The following DSCC1 variants were observed in gnomAD, a reference collection of about 807,000 sequenced individuals.
The protein encoded by DSCC1 is DNA replication and sister chromatid cohesion 1.
In DSCC1, 32 loss-of-function variants were observed where a neutral mutation model predicts 48.2. That is an observed-to-expected ratio of 0.66 (90% CI 0.50 to 0.89). The LOEUF is 0.89. DSCC1 is among the 40% of genes least tolerant of loss of function. The pLI, the probability that DSCC1 is intolerant of heterozygous loss-of-function variation, is 0.00. For synonymous variants in DSCC1, 150 were observed against 171.5 expected (o/e 0.87, Z 0.98); for missense variants, 421 against 471.7 (o/e 0.89, Z 1.00).
chr8:119,852,884 C>T (rs1760130610), intron 2 of DSCC1, 163 bp downstream of exon 2: 3 of 561,820 alleles, frequency 5.3e-6, no homozygotes, highest in South Asian at 6.7e-5. Context: ...AACAAACAAG[C>T]AATAATAATA....
rs533919488 is a variant in DSCC1, at chr8:119,852,597, G to A, written c.351+450C>T. 1.1e-3 allele frequency among the ~76,000 whole-genome samples: 171 copies of A among 152,130 alleles called. 1 individual carries two copies. The South Asian group carries it at 0.031, about 27-fold the overall frequency. On this transcript the variant is annotated intron_variant, in intron 2 of 8. Transcript: ENST00000313655. ...CTCAAACTCCTGAGGTCCGACAATC[G>A]GCACACCTTGGCCTCCCAAAGTGCT...
At position 119,855,604 on chromosome 8, in the gene DSCC1, C is replaced by A. The variant is rs905689368; in HGVS notation, c.182+10G>T. Reference sequence around the variant, plus strand: ...CCAGAGGCTGGGGGCGCCGCGTGACCAGGGCTCACCTGTGTCCATCCTCCA... The same window carrying A: ...CCAGAGGCTGGGGGCGCCGCGTGACAAGGGCTCACCTGTGTCCATCCTCCA... On this transcript the variant is annotated intron_variant, in intron 1 of 8. Coordinates refer to ENST00000313655, the MANE Select transcript of DSCC1 (RefSeq NM_024094.3). 29 of 1,536,970 alleles carry A rather than the reference C, an allele frequency of 1.9e-5. No homozygotes were observed. Among genetic ancestry groups the A allele is most frequent in the Non-Finnish European group, 2.5e-5 (29 of 1,143,448 alleles).
chr8:119,841,785 T>G lies in DSCC1; in HGVS notation c.924+9A>C, dbSNP rs762762930. The G allele has an allele frequency of 1.2e-6, 2 of 1,609,974 alleles. No homozygotes were observed. Among genetic ancestry groups the G allele is most frequent in the Non-Finnish European group, 1.7e-6 (2 of 1,177,084 alleles). Reference sequence around the variant, plus strand: ...GTTGAAGTAAGGTGGCAATGTCTATTGCTATTACCTTAAGCTGATCAAGAC... The same window carrying G: ...GTTGAAGTAAGGTGGCAATGTCTATGGCTATTACCTTAAGCTGATCAAGAC... On this transcript the variant is annotated intron_variant, in intron 7 of 8. Coordinates refer to ENST00000313655, the MANE Select transcript of DSCC1 (RefSeq NM_024094.3).
chr8:119,846,648 T>C (rs2131304064), intron 4 of DSCC1, among the ~76,000 whole-genome samples: 1 of 149,972 alleles, frequency 6.7e-6, no homozygotes, highest in South Asian at 2.1e-4. Flanking sequence ...AACCTCTGCC[T>C]CCCAGGTTCA....
chr8:119,850,963 A>T (rs906040670), intron 2 of DSCC1, among the ~76,000 whole-genome samples: 2 of 152,246 alleles, frequency 1.3e-5, no homozygotes, highest in African/African-American at 4.8e-5. Context: ...GCTCACGTTG[A>T]AATGAGGCAG....
Position 119,835,011 on chromosome 8 carries a change from CAATAAAA to C in DSCC1, c.1074-17_1074-11del. 6.6e-7 allele frequency: 1 copy of C among 1,517,870 alleles called. No individual in the cohort carries two copies. The highest frequency in any genetic ancestry group is 9.0e-7 in the Non-Finnish European group (1 of 1,105,400). The allele number at this position is 1,517,870 out of a possible 1,614,324, so 94.0% of individuals were successfully genotyped here. ...CTCTCCACACAAATCTCTGTAGGAA[CAATAAAA>C]AATATATAACATGAATATTTTAGGG... On this transcript the variant is annotated splice_polypyrimidine_tract_variant and intron_variant, in intron 8 of 8. Coordinates refer to ENST00000313655, the MANE Select transcript of DSCC1 (RefSeq NM_024094.3).
intron 4 of DSCC1, among the ~76,000 whole-genome samples, chr8:119,845,667 G>A (rs1432590789): frequency 1.3e-5 from 2 of 151,778 alleles, no homozygotes; most frequent in Non-Finnish European, 2.9e-5. Context: ...AAAGCTTTAG[G>A]GCTGGGCACC....
At chr8:119,853,303 G>A in intron 1 of DSCC1, 88 bp from the exon 2 acceptor site, 2 of 1,302,952 alleles carry the variant, frequency 1.5e-6, no homozygotes, top group South Asian at 2.0e-5. Flanking sequence ...CTCTAGGCTT[G>A]CAGAACTTAG....
intron 7 of DSCC1, among the ~76,000 whole-genome samples, chr8:119,841,573 T>A (rs968113163): frequency 2.0e-5 from 3 of 152,202 alleles, no homozygotes; most frequent in African/African-American, 7.2e-5. Context: ...CAACTTATTT[T>A]AAAATTATTA....
chr8:119,847,117 A>AAT, intron 3 of DSCC1, 37 bp from the exon 4 acceptor site: 8 of 1,568,640 alleles, frequency 5.1e-6, no homozygotes, highest in Non-Finnish European at 7.0e-6. Flanking sequence ...GCCTTTGAAG[A>AAT]ATATTTTGTT....
At chr8:119,835,910 T>C (rs1268928523) in intron 8 of DSCC1, among the ~76,000 whole-genome samples, 1 of 152,198 alleles carries the variant, frequency 6.6e-6, no homozygotes, top group Non-Finnish European at 1.5e-5. Context: ...CTAGATCACG[T>C]AGAACCTTGA....
At chr8:119,851,804 T>G (rs1826946465) in intron 2 of DSCC1, among the ~76,000 whole-genome samples, 2 of 152,102 alleles carry the variant, frequency 1.3e-5, no homozygotes, top group South Asian at 4.1e-4. Flanking sequence ...AATCACGGAT[T>G]ATGGCTTTGG....
rs1230811570 is a variant in DSCC1, at chr8:119,842,668, G to T, written c.769+108C>A. 4.1e-6 allele frequency: 4 copies of T among 968,372 alleles called. No individual in the cohort carries two copies. In the East Asian group the frequency reaches 1.1e-4, roughly 25 times the overall value. The allele number at this position is 968,372 out of a possible 1,614,324, so 60.0% of individuals were successfully genotyped here. On this transcript the variant is annotated intron_variant, in intron 6 of 8. Transcript: ENST00000313655. ...TCCAAAGTGCTGGGATTATAGGTGT[G>T]AGCCACTGCACCCAGCCAGAGTTCT...
At chr8:119,843,784 T>C (rs1374772573) in intron 4 of DSCC1, 37 bp from the exon 5 acceptor site, 2 of 1,588,762 alleles carry the variant, frequency 1.3e-6, no homozygotes, top group African/African-American at 1.4e-5. Flanking sequence ...CAAAGAACTT[T>C]TTTTTTTTTA....
At chr8:119,842,640 C>G (rs1219778774) in intron 6 of DSCC1, 136 bp downstream of exon 6, 1 of 704,700 alleles carries the variant, frequency 1.4e-6, no homozygotes, top group South Asian at 1.7e-5. Context: ...CCCACTGCAG[C>G]CTTCCAAAGT....
At chr8:119,846,965 T>C (rs777597722) in intron 4 of DSCC1, 25 bp downstream of exon 4, 2 of 1,604,378 alleles carry the variant, frequency 1.2e-6, no homozygotes, top group South Asian at 2.2e-5. Flanking sequence ...TTCATCATTG[T>C]TAAAATAGTA....
At position 119,838,278 on chromosome 8, in the gene DSCC1, C is replaced by G; in HGVS notation, c.1054G>C (p.Asp352His). 1 of 1,596,062 alleles carries G rather than the reference C, an allele frequency of 6.3e-7. No individual in the cohort carries two copies. The highest frequency in any genetic ancestry group is 1.2e-5 in the South Asian group (1 of 85,764). The change falls in exon 8 of 9, where the codon GAT becomes CAT. Residue 352 changes from aspartate (D) to histidine (H), a missense_variant. By Grantham distance (81) the Asp-to-His change is moderately conservative (BLOSUM62 -1). Transcript: ENST00000313655. ...ACTTACTGAATATATGGAGCAATAT[C>G]TTCTTCTGTCCACTTCTCCCTTAGA... is the stretch of plus-strand genomic sequence containing the variant. ...FSLREKWTEEDIAPYIQDLCG... is the reference protein window; with the variant it reads ...FSLREKWTEEHIAPYIQDLCG...
chr8:119,844,383 G>T (rs1267934360), intron 4 of DSCC1, among the ~76,000 whole-genome samples: 3 of 148,134 alleles, frequency 2.0e-5, no homozygotes, highest in Non-Finnish European at 4.4e-5. Flanking sequence ...AGGTTGTAGT[G>T]AGCCAAGATT....
chr8:119,838,233 A>T, intron 8 of DSCC1, 26 bp downstream of exon 8: 1 of 1,520,728 alleles, frequency 6.6e-7, no homozygotes, highest in African/African-American at 1.4e-5. Flanking sequence ...ACGACCCTCA[A>T]AATCCGTCTT....
Sources: allele counts gnomAD v4.1 joint callset (sites outside exome capture counted in the v4.1 genomes callset), GRCh38; gene constraint gnomAD v4.1.1; transcripts MANE v1.5; gene names NCBI Gene and HGNC (gene_info 2026-07-23, HGNC 2026-07-21).